The following KLHL29 variants were observed in gnomAD, a reference collection of about 807,000 sequenced individuals.
KLHL29 encodes the protein kelch-like protein 29.
A neutral mutation model predicts 80.4 loss-of-function variants in KLHL29; 21 were observed. The observed-to-expected ratio is 0.26, with a 90% CI of 0.19 to 0.38. The LOEUF (loss-of-function observed/expected upper bound fraction) is 0.38, where lower values mean the gene tolerates loss of function less well. KLHL29 is among the 10% of genes least tolerant of loss of function. The probability of loss-of-function intolerance (pLI) is 1.00; values close to 1 mark genes in which losing one functional copy is unlikely to be tolerated. For missense variants in KLHL29, 867 were observed against 1,223.9 expected, an observed-to-expected ratio of 0.71 and a Z score of 4.35; for synonymous variants, 511 against 526.8, an observed-to-expected ratio of 0.97 and a Z score of 0.41.
chr2:23,536,918 A>ACACACT lies in KLHL29; in HGVS notation c.-45-25233_-45-25232insACACTC, dbSNP rs143009876. ...CACACACACACACACACACACACACACTCTCTCTCTCCCTCTCTCGCTCTC... is the reference window on the plus strand; with the variant it reads ...CACACACACACACACACACACACACACACACTCTCTCTCTCTCCCTCTCTCGCTCTC... On this transcript the variant is annotated intron_variant, in intron 2 of 13. Coordinates refer to ENST00000486442, the MANE Select transcript of KLHL29 (RefSeq NM_052920.2). Among the ~76,000 whole-genome samples, 34 of 140,736 alleles carry ACACACT rather than the reference A, an allele frequency of 2.4e-4. No homozygotes were observed. In the South Asian group the frequency reaches 3.0e-3, roughly 13 times the overall value. 92.3% of individuals were successfully genotyped at this position (140,736 alleles called of 152,430 possible).
intron 1 of KLHL29, among the ~76,000 whole-genome samples, chr2:23,401,778 C>T (rs1381888849): frequency 6.6e-6 from 1 of 152,190 alleles, no homozygotes; most frequent in African/African-American, 2.4e-5. Flanking sequence ...CCTCAGCTTC[C>T]ATCTCTCCTC....
intron 3 of KLHL29, among the ~76,000 whole-genome samples, chr2:23,614,326 A>G (rs928351816): frequency 6.6e-6 from 1 of 152,216 alleles, no homozygotes; most frequent in African/African-American, 2.4e-5. Context: ...ATGCGTCCTT[A>G]ACTTTGGCAA....
At chr2:23,694,397 C>T (rs1441252692) in intron 8 of KLHL29, among the ~76,000 whole-genome samples, 1 of 152,184 alleles carries the variant, frequency 6.6e-6, no homozygotes, top group Non-Finnish European at 1.5e-5. Flanking sequence ...AGGATTACTG[C>T]AGCACCTCCT....
At chr2:23,638,085 T>TAAAAAAAAAAAAAAAAA (rs553356362) in intron 3 of KLHL29, among the ~76,000 whole-genome samples, 23 of 111,484 alleles carry the variant, frequency 2.1e-4, no homozygotes, top group East Asian at 5.3e-4. Context: ...ATGGCCATAG[T>TAAAAAAAAAAAAAAAAA]AAAAAAAAAA....
chr2:23,389,331 T>A (rs944370101), intron 1 of KLHL29, among the ~76,000 whole-genome samples: 3 of 152,216 alleles, frequency 2.0e-5, no homozygotes, highest in Admixed American at 1.3e-4. Context: ...ACCCTGTATA[T>A]TTCAGAAATA....
At chr2:23,386,063 C>T (rs1205985754) in intron 1 of KLHL29, among the ~76,000 whole-genome samples, 1 of 152,146 alleles carries the variant, frequency 6.6e-6, no homozygotes, top group African/African-American at 2.4e-5. Context: ...GGGCCACTGT[C>T]ACGGTGTTCG....
intron 1 of KLHL29, among the ~76,000 whole-genome samples, chr2:23,447,143 T>C (rs902891618): frequency 6.6e-6 from 1 of 152,368 alleles, no homozygotes; most frequent in African/African-American, 2.4e-5. Context: ...TGAACACATC[T>C]GCACCTTGAC....
intron 13 of KLHL29, 147 bp from the exon 14 acceptor site, chr2:23,706,334 G>T (rs1329153597): frequency 3.5e-6 from 2 of 569,638 alleles, no homozygotes; most frequent in East Asian, 3.5e-5. Flanking sequence ...GCCAGCCCAG[G>T]TTAGAGGGCA....
chr2:23,565,113 G>A (rs1026045737), intron 3 of KLHL29, among the ~76,000 whole-genome samples: 2 of 152,216 alleles, frequency 1.3e-5, no homozygotes, highest in Admixed American at 6.5e-5. Flanking sequence ...AACCTGGCAT[G>A]TGGTATTTCG....
intron 5 of KLHL29, among the ~76,000 whole-genome samples, chr2:23,658,392 A>G (rs901682617): frequency 2.6e-5 from 4 of 152,122 alleles, no homozygotes; most frequent in Non-Finnish European, 5.9e-5. Flanking sequence ...TGGCCTCACC[A>G]ATTGCTGATT....
Position 23,661,302 on chromosome 2 carries a change from A to G in KLHL29, c.940+18452A>G, listed in dbSNP as rs147589577. Among the ~76,000 whole-genome samples the G allele has an allele frequency of 4.0e-3, 595 of 150,304 alleles. 2 individuals are homozygous for G. The highest frequency in any genetic ancestry group is 0.014 in the Middle Eastern group (4 of 290). ...GGTTACAGTGAGCTATGATCTCACC[A>G]CTGCACTCCAGTCTGGGTGACAGAT... On this transcript the variant is annotated intron_variant, in intron 5 of 13. Coordinates refer to ENST00000486442, the MANE Select transcript of KLHL29 (RefSeq NM_052920.2).
At chr2:23,394,409 T>A (rs1315742813) in intron 1 of KLHL29, among the ~76,000 whole-genome samples, 1 of 152,200 alleles carries the variant, frequency 6.6e-6, no homozygotes, top group East Asian at 1.9e-4. Flanking sequence ...TCATTTTTGC[T>A]CACCCTGTCG....
chr2:23,397,146 G>A (rs189128488), intron 1 of KLHL29, among the ~76,000 whole-genome samples: 5 of 152,288 alleles, frequency 3.3e-5, no homozygotes, highest in African/African-American at 1.2e-4. Flanking sequence ...AGGCAGCCGT[G>A]GAGAACCTCG....
intron 13 of KLHL29, among the ~76,000 whole-genome samples, chr2:23,704,887 G>C (rs1672622576): frequency 6.6e-6 from 1 of 152,240 alleles, no homozygotes; most frequent in Non-Finnish European, 1.5e-5. Flanking sequence ...ATAGCATGAA[G>C]TACTTAGAGT....
chr2:23,641,223 C>T (rs1300978614), intron 4 of KLHL29, among the ~76,000 whole-genome samples: 1 of 152,206 alleles, frequency 6.6e-6, no homozygotes, highest in East Asian at 1.9e-4. Flanking sequence ...CTGACCTCGC[C>T]TCTTGTGTTG....
chr2:23,638,943 T>A (rs1166085527), intron 3 of KLHL29, among the ~76,000 whole-genome samples, 196 bp from the exon 4 acceptor site: 1 of 152,192 alleles, frequency 6.6e-6, no homozygotes, highest in Non-Finnish European at 1.5e-5. Context: ...CAGCTGCTAC[T>A]ACTATGGCAG....
rs560170013 is a variant in KLHL29 at position 23,484,982 on chromosome 2, TCTC to T, written c.-46+9319_-46+9321del. On this transcript the variant is annotated intron_variant, in intron 2 of 13. Transcript: ENST00000486442. ...CAGGGCCGCCCCCGAGGGAATTCTC[TCTC>T]CTCTGATGCCATTATGCCATTTCTC... Among the ~76,000 whole-genome samples, 273 of 152,222 alleles carry T rather than the reference TCTC, an allele frequency of 1.8e-3. 2 individuals carry two copies. The highest frequency in any genetic ancestry group is 6.3e-3 in the African/African-American group (260 of 41,542).
intron 2 of KLHL29, among the ~76,000 whole-genome samples, chr2:23,527,093 A>T (rs1269793678): frequency 6.6e-6 from 1 of 152,114 alleles, no homozygotes; most frequent in Non-Finnish European, 1.5e-5. Context: ...AACCAGGAGA[A>T]CTGGGCGACG....
intron 3 of KLHL29, among the ~76,000 whole-genome samples, chr2:23,625,595 CTCCCTGGGG>C (rs1409397858): frequency 2.6e-5 from 4 of 152,222 alleles, no homozygotes; most frequent in Non-Finnish European, 4.4e-5. Context: ...CCATTCAACA[CTCCCTGGGG>C]TCTAGCGGGC....
Sources: gnomAD v4.1 joint callset for allele counts (sites outside exome capture counted in the v4.1 genomes callset) on GRCh38, gnomAD v4.1.1 for gene constraint, MANE v1.5 for transcripts, NCBI Gene and HGNC (gene_info 2026-07-23, HGNC 2026-07-21) for gene names.